Variants in ABI2 observed in about 807,000 individuals in gnomAD.
ABI2 encodes the protein abl interactor 2.
Under a neutral mutation model 59.2 loss-of-function variants are expected in ABI2, and 25 were observed. That is an observed-to-expected ratio of 0.42 (90% CI 0.31 to 0.59). ABI2 has a LOEUF of 0.59. Ranked by LOEUF, ABI2 falls within the 20% of genes least tolerant of loss-of-function variation. The probability of loss-of-function intolerance (pLI) is 0.14; values close to 1 mark genes in which losing one functional copy is unlikely to be tolerated. For synonymous variants in ABI2, 213 were observed against 235.5 expected (o/e 0.90, Z 0.87); for missense variants, 545 against 681.8 (o/e 0.80, Z 2.23).
At chr2:203,348,920 T>G (rs541333566) in intron 1 of ABI2, among the ~76,000 whole-genome samples, 120 of 152,056 alleles carry the variant, frequency 7.9e-4, no homozygotes, top group African/African-American at 2.5e-3. Flanking sequence ...TTTTTTTGTT[T>G]TTTGTTTGTT....
intron 6 of ABI2, chr2:203,395,048 C>G: frequency 1.4e-6 from 1 of 729,878 alleles, no homozygotes; most frequent in South Asian, 1.5e-5. Context: ...ACAGACATCT[C>G]AAAGTGCAGA....
At chr2:203,382,640 C>T (rs2153223739) in intron 4 of ABI2, among the ~76,000 whole-genome samples, 1 of 152,068 alleles carries the variant, frequency 6.6e-6, no homozygotes, top group Middle Eastern at 3.4e-3. Context: ...TGTGTAATAG[C>T]CTTTTTATTC....
At chr2:203,331,975 A>G (rs995736598) in intron 1 of ABI2, among the ~76,000 whole-genome samples, 2 of 151,570 alleles carry the variant, frequency 1.3e-5, no homozygotes, top group Non-Finnish European at 2.9e-5. Context: ...ACGCCCAGCT[A>G]ATTTTTGTAT....
In ABI2 at chr2:203,427,228, A is replaced by G; in HGVS notation, c.1505A>G (p.Gln502Arg). Residue 502 changes from glutamine (Q) to arginine (R), a missense_variant, in exon 12 of 12, where the codon CAG (glutamine) becomes CGG (arginine). By Grantham distance (43) the Gln-to-Arg change is conservative (BLOSUM62 1). Around this residue, in one of 4 missense-constraint regions of ABI2, gnomAD observed 44 missense variants for 106.4 expected, o/e 0.41. Transcript: ENST00000261018. ...GACAAGGAAGATGAGCTGTCCTTTCAGGAAGGAGCCATTATTTATGTCATC... is the reference window on the plus strand; with the variant it reads ...GACAAGGAAGATGAGCTGTCCTTTCGGGAAGGAGCCATTATTTATGTCATC... The part of the protein sequence containing the change: ...TKDKEDELSF[Q>R]EGAIIYVIKK... The G allele has an allele frequency of 6.2e-7, 1 of 1,614,084 alleles. No homozygotes were observed. Among genetic ancestry groups the G allele is most frequent in the Non-Finnish European group, 8.5e-7 (1 of 1,180,004 alleles).
chr2:203,405,641 T>C (rs2097392784), intron 9 of ABI2, among the ~76,000 whole-genome samples: 1 of 152,230 alleles, frequency 6.6e-6, no homozygotes, highest in African/African-American at 2.4e-5. Flanking sequence ...GAATATTTGT[T>C]GTGCTTTCTC....
chr2:203,408,673 CCA>C lies in ABI2; in HGVS notation c.1193-2610_1193-2609del, dbSNP rs546463924. Reference sequence around the variant, plus strand: ...AACAGTGACTGAAGTGGGAAATTTCCCACTTTTCTGTTACACGGAAGGTTAGG... The same window carrying C: ...AACAGTGACTGAAGTGGGAAATTTCCCTTTTCTGTTACACGGAAGGTTAGG... On this transcript the variant is annotated intron_variant, in intron 9 of 11. Transcript: ENST00000261018. Among the ~76,000 whole-genome samples the C allele has an allele frequency of 1.4e-3, 206 of 151,686 alleles. 1 individual carries two copies. Among genetic ancestry groups the C allele is most frequent in the African/African-American group, 4.7e-3 (195 of 41,384 alleles).
At chr2:203,364,233 A>G (rs1273463556) in intron 1 of ABI2, among the ~76,000 whole-genome samples, 1 of 151,240 alleles carries the variant, frequency 6.6e-6, no homozygotes. Context: ...AGCTGGGATT[A>G]CAGGCATCTG....
At chr2:203,384,300 T>G (rs6759306) in intron 4 of ABI2, among the ~76,000 whole-genome samples, 9,978 of 101,938 alleles carry the variant, frequency 0.098, 581 homozygotes, top group African/African-American at 0.22. Flanking sequence ...GTTTTTTTTT[T>G]TTTTTTTTTT....
At chr2:203,332,456 A>G (rs1299692713) in intron 1 of ABI2, among the ~76,000 whole-genome samples, 1 of 151,986 alleles carries the variant, frequency 6.6e-6, no homozygotes, top group East Asian at 2.0e-4. Context: ...GAAACCGCGT[A>G]TCTACTAAAA....
chr2:203,347,818 C>G (rs1325071047), intron 1 of ABI2, among the ~76,000 whole-genome samples: 3 of 152,116 alleles, frequency 2.0e-5, no homozygotes, highest in African/African-American at 4.8e-5. Flanking sequence ...TGTCTAAGGC[C>G]TAGCAGTTGT....
intron 4 of ABI2, among the ~76,000 whole-genome samples, chr2:203,384,290 GTTTTTTTTTTTTTTT>G (rs796117154): frequency 3.8e-5 from 1 of 26,110 alleles, no homozygotes; most frequent in Non-Finnish European, 8.0e-5. Flanking sequence ...TTTTGTTTTT[GTTTTTTTTTTTTTTT>G]TTTTTTTTTT....
At chr2:203,346,381 A>G (rs564702151) in intron 1 of ABI2, among the ~76,000 whole-genome samples, 3 of 152,362 alleles carry the variant, frequency 2.0e-5, no homozygotes, top group Admixed American at 6.5e-5. Context: ...ATATTTCTGC[A>G]GCTTGGGAAT....
chr2:203,338,941 T>TATATATATATAA (rs2077908895), intron 1 of ABI2, among the ~76,000 whole-genome samples: 1 of 6,224 alleles, frequency 1.6e-4, no homozygotes, highest in Non-Finnish European at 3.2e-4. Context: ...TATGTATATA[T>TATATATATATAA]ATATATATAT....
At chr2:203,400,024 A>G (rs1169382006) in intron 8 of ABI2, among the ~76,000 whole-genome samples, 1 of 147,796 alleles carries the variant, frequency 6.8e-6, no homozygotes, top group African/African-American at 2.5e-5. Flanking sequence ...AATTAGGTAT[A>G]TATATTTTTA....
At chr2:203,403,630 T>C (rs1304391200) in intron 9 of ABI2, among the ~76,000 whole-genome samples, 5 of 94,590 alleles carry the variant, frequency 5.3e-5, no homozygotes. Flanking sequence ...CAAAATAAGA[T>C]TGGTGATCAT....
At chr2:203,376,154 C>T in intron 2 of ABI2, 2 of 1,505,374 alleles carry the variant, frequency 1.3e-6, no homozygotes, top group Non-Finnish European at 1.8e-6. Context: ...GCTAATTAGT[C>T]CTTCCTCTAT....
chr2:203,362,317 AC>A (rs1207742591), intron 1 of ABI2, among the ~76,000 whole-genome samples: 5 of 152,170 alleles, frequency 3.3e-5, no homozygotes, highest in African/African-American at 4.8e-5. Flanking sequence ...AGATAAAATA[AC>A]CTGTACTTTC....
intron 2 of ABI2, among the ~76,000 whole-genome samples, chr2:203,372,567 C>G (rs1232418753): frequency 6.7e-6 from 1 of 150,366 alleles, no homozygotes; most frequent in African/African-American, 2.5e-5. Context: ...GCTGACCCCC[C>G]CACCTCCCTC....
Position 203,391,059 on chromosome 2 carries a change from A to C in ABI2, c.494A>C (p.Asn165Thr), listed in dbSNP as rs2096724755. 1.9e-6 allele frequency: 3 copies of C among 1,613,712 alleles called. No homozygotes were observed. In the South Asian group the frequency reaches 3.3e-5, roughly 18 times the overall value. The change falls in exon 5 of 12, where the codon AAC (asparagine) becomes ACC (threonine). Residue 165 changes from asparagine to threonine, a missense_variant. Physicochemically the swap from Asn to Thr is moderately conservative, Grantham distance 65. Coordinates refer to ENST00000261018, the MANE Select transcript of ABI2 (RefSeq NM_001375670.1). Reference protein sequence around the residue: ...WLLRFKVSTQNMKMGGLPRTT... With the variant: ...WLLRFKVSTQTMKMGGLPRTT... ...AAAATTTTTTAGGTGAGTACCCAGA[A>C]CATGAAGATGGGTGGGCTGCCGCGT...
Sources: gnomAD v4.1 joint callset for allele counts (sites outside exome capture counted in the v4.1 genomes callset) on GRCh38, gnomAD v4.1.1 for gene constraint, gnomAD v4.1.1 regional missense constraint, MANE v1.5 for transcripts, NCBI Gene and HGNC (gene_info 2026-07-23, HGNC 2026-07-21) for gene names.